ZNF676: variants seen among roughly 807,000 people sequenced by gnomAD.
ZNF676 encodes the protein zinc finger protein 676.
ZNF676 carries 4 observed loss-of-function variants against 6.0 expected under a neutral mutation model. The ratio of observed to expected loss-of-function variants is 0.67; its 90% CI spans 0.33 to 1.53. The LOEUF is 1.53. ZNF676 is among the 40% of genes most tolerant of loss of function. The probability of loss-of-function intolerance (pLI) is 0.06; values close to 1 mark genes in which losing one functional copy is unlikely to be tolerated. For synonymous variants in ZNF676, 198 were observed against 223.1 expected (o/e 0.89, Z 1.00); for missense variants, 644 against 679.7 (o/e 0.95, Z 0.58).
chr19:22,225,744 T>G, the ZNF676 span, among the ~76,000 whole-genome samples: 1 of 151,944 alleles, frequency 6.6e-6, no homozygotes, highest in Non-Finnish European at 1.5e-5. Context: ...CATTTATGCT[T>G]TTGATAAAAA....
chr19:22,230,731 T>G, the ZNF676 span, among the ~76,000 whole-genome samples: 29 of 152,092 alleles, frequency 1.9e-4, no homozygotes, highest in South Asian at 4.8e-3. Context: ...TGATCTCTGC[T>G]CACTGCCACC....
At chr19:22,253,283 T>C in the ZNF676 span, among the ~76,000 whole-genome samples, 1 of 151,264 alleles carries the variant, frequency 6.6e-6, no homozygotes, top group Non-Finnish European at 1.5e-5. Flanking sequence ...AGTGTCATAA[T>C]CGCACCTCTA....
At chr19:22,201,279 A>G (rs2024023257), upstream of ZNF676, among the ~76,000 whole-genome samples, 1 of 152,280 alleles carries the variant, frequency 6.6e-6, no homozygotes, top group African/African-American at 2.4e-5. Flanking sequence ...TTACTCCTGG[A>G]GCCTCTCACA....
At chr19:22,193,195 A>G in intron 1 of ZNF676, 84 bp from the exon 2 acceptor site, 2 of 1,349,468 alleles carry the variant, frequency 1.5e-6, no homozygotes, top group African/African-American at 1.5e-5. Context: ...AAGAGGATGT[A>G]ATAGAATATT....
At chr19:22,210,468 T>C (rs1174522047) in intron 1 of ZNF676, among the ~76,000 whole-genome samples, 1 of 152,184 alleles carries the variant, frequency 6.6e-6, no homozygotes, top group Non-Finnish European at 1.5e-5. Context: ...CAGAACACTG[T>C]AGTTATATTC....
At chr19:22,235,028 G>GAAAGAAAGAAAGA in the ZNF676 span, among the ~76,000 whole-genome samples, 17 of 62,342 alleles carry the variant, frequency 2.7e-4, no homozygotes, top group African/African-American at 1.1e-3. Flanking sequence ...AAGAAAGAAA[G>GAAAGAAAGAAAGA]AAAGAAAAGA....
chr19:22,248,591 T>C, the ZNF676 span, among the ~76,000 whole-genome samples: 8 of 152,230 alleles, frequency 5.3e-5, no homozygotes, highest in South Asian at 4.1e-4. Flanking sequence ...GCCGCTGCAA[T>C]GGGTGGGTCT....
At chr19:22,210,239 T>C (rs1599719090) in intron 1 of ZNF676, among the ~76,000 whole-genome samples, 1 of 152,138 alleles carries the variant, frequency 6.6e-6, no homozygotes. Context: ...CCAACAATTC[T>C]CCAACAGCAA....
At chr19:22,213,696 CATACCTCT>C (rs2024155183) in intron 1 of ZNF676, among the ~76,000 whole-genome samples, 1 of 152,104 alleles carries the variant, frequency 6.6e-6, no homozygotes, top group African/African-American at 2.4e-5. Flanking sequence ...GGCTACACTC[CATACCTCT>C]GGTTGTCTTA....
chr19:22,201,775 G>A (rs553003478), upstream of ZNF676, among the ~76,000 whole-genome samples: 33 of 145,770 alleles, frequency 2.3e-4, 1 homozygote, highest in African/African-American at 7.8e-4. Context: ...CAGTGAATGA[G>A]CTGATACGAA....
At chr19:22,251,607 G>A in the ZNF676 span, among the ~76,000 whole-genome samples, 1 of 152,038 alleles carries the variant, frequency 6.6e-6, no homozygotes, top group African/African-American at 2.4e-5. Flanking sequence ...GGCCCACATG[G>A]TGAAACCCTG....
chr19:22,241,887 AAGAACTCT>A, the ZNF676 span, among the ~76,000 whole-genome samples: 1 of 151,836 alleles, frequency 6.6e-6, no homozygotes, highest in Non-Finnish European at 1.5e-5. Context: ...TATGAAGTTC[AAGAACTCT>A]CCAGTACACT....
the ZNF676 span, among the ~76,000 whole-genome samples, chr19:22,249,508 G>A: frequency 1.4e-3 from 206 of 152,210 alleles, 1 homozygote; most frequent in African/African-American, 4.6e-3. Context: ...TGCCTCCCAG[G>A]TTCAAGTAAT....
At chr19:22,238,366 TAG>T in the ZNF676 span, among the ~76,000 whole-genome samples, 1 of 152,138 alleles carries the variant, frequency 6.6e-6, no homozygotes, top group Non-Finnish European at 1.5e-5. Flanking sequence ...AAGGTATGTA[TAG>T]AGTCACTAAA....
the ZNF676 span, among the ~76,000 whole-genome samples, chr19:22,233,761 C>T: frequency 6.6e-6 from 1 of 151,358 alleles, no homozygotes; most frequent in Non-Finnish European, 1.5e-5. Context: ...CCACCATGAC[C>T]ATTTTGTTCA....
At chr19:22,255,586 T>C in the ZNF676 span, among the ~76,000 whole-genome samples, 46 of 152,248 alleles carry the variant, frequency 3.0e-4, 1 homozygote, top group African/African-American at 9.4e-4. Flanking sequence ...TGGCTCACAC[T>C]TGTAATGCCA....
At chr19:22,194,924 G>A (rs1029847538) in intron 1 of ZNF676, among the ~76,000 whole-genome samples, 4 of 152,116 alleles carry the variant, frequency 2.6e-5, no homozygotes, top group African/African-American at 9.7e-5. Flanking sequence ...ACCTACCAAA[G>A]TACCCACTGT....
At chr19:22,220,323 G>C (rs117103101), upstream of ZNF676, among the ~76,000 whole-genome samples, 3,408 of 152,114 alleles carry the variant, frequency 0.022, 61 homozygotes, top group Non-Finnish European at 0.03. Flanking sequence ...AGTGATACTG[G>C]CTTCATAGAA....
the ZNF676 span, among the ~76,000 whole-genome samples, chr19:22,247,048 G>T: frequency 6.6e-6 from 1 of 152,080 alleles, no homozygotes; most frequent in Non-Finnish European, 1.5e-5. Context: ...AATTATAAAG[G>T]GACTATACTG....
Sources: gnomAD v4.1 joint callset for allele counts (sites outside exome capture counted in the v4.1 genomes callset) on GRCh38, gnomAD v4.1.1 for gene constraint, MANE v1.5 for transcripts, NCBI Gene and HGNC (gene_info 2026-07-23, HGNC 2026-07-21) for gene names.